Variants in ACOXL observed in about 807,000 individuals in gnomAD.
The protein encoded by ACOXL is acyl-coenzyme A oxidase-like protein.
In ACOXL, 70 loss-of-function variants were observed where a neutral mutation model predicts 71.9. That is an observed-to-expected ratio of 0.97 (90% confidence interval 0.80 to 1.19). ACOXL has a LOEUF of 1.19. Ranked by LOEUF, ACOXL falls within the 50% of genes most tolerant of loss-of-function variation. ACOXL has a pLI of 0.00. For missense variants in ACOXL, 703 were observed against 736.3 expected (o/e 0.95, Z 0.52); for synonymous variants, 253 against 281.6 (o/e 0.90, Z 1.02).
chr2:111,033,476 G>A (rs375011592), intron 15 of ACOXL, among the ~76,000 whole-genome samples: 9 of 152,228 alleles, frequency 5.9e-5, no homozygotes, highest in African/African-American at 2.2e-4. Flanking sequence ...GAGGTTGCAG[G>A]AAGTCACACT....
intron 1 of ACOXL, among the ~76,000 whole-genome samples, chr2:110,746,859 G>C (rs1358642762): frequency 6.9e-6 from 1 of 144,444 alleles, no homozygotes; most frequent in African/African-American, 2.6e-5. Flanking sequence ...AAAAAGTTTA[G>C]TCTAAGATGA....
chr2:110,810,398 G>A (rs1687164701), intron 9 of ACOXL, among the ~76,000 whole-genome samples: 1 of 152,102 alleles, frequency 6.6e-6, no homozygotes, highest in African/African-American at 2.4e-5. Flanking sequence ...TACATGTCAT[G>A]GAAATCGTTT....
intron 16 of ACOXL, among the ~76,000 whole-genome samples, chr2:111,086,813 C>T (rs1343758698): frequency 2.0e-5 from 3 of 152,040 alleles, no homozygotes; most frequent in African/African-American, 7.2e-5. Flanking sequence ...AGCAATGAGG[C>T]AAGATAAATA....
At chr2:110,948,703 T>TG (rs2061209241) in intron 12 of ACOXL, among the ~76,000 whole-genome samples, 1 of 70,808 alleles carries the variant, frequency 1.4e-5, no homozygotes, top group East Asian at 4.1e-4. Flanking sequence ...CCAGAAGAAC[T>TG]AAAAAAAAAA....
chr2:111,037,205 T>C (rs1371662379), intron 15 of ACOXL, among the ~76,000 whole-genome samples: 1 of 152,040 alleles, frequency 6.6e-6, no homozygotes, highest in African/African-American at 2.4e-5. Flanking sequence ...GAACTTCAGG[T>C]TTGGGTCAGC....
intron 10 of ACOXL, among the ~76,000 whole-genome samples, chr2:110,870,235 A>AT (rs748482083): frequency 5.3e-4 from 80 of 152,142 alleles, no homozygotes; most frequent in Non-Finnish European, 1.1e-3. Context: ...AGCACAGAGC[A>AT]TCCCATCTTT....
At chr2:111,013,221 TAAC>T (rs777028542) in intron 14 of ACOXL, among the ~76,000 whole-genome samples, 7 of 151,864 alleles carry the variant, frequency 4.6e-5, no homozygotes, top group Non-Finnish European at 1.0e-4. Context: ...TCTCAAAAGT[TAAC>T]AACAACAAAA....
At chr2:111,095,189 A>G (rs1168232073) in intron 17 of ACOXL, among the ~76,000 whole-genome samples, 3 of 148,904 alleles carry the variant, frequency 2.0e-5, no homozygotes, top group Non-Finnish European at 3.0e-5. Flanking sequence ...GAGAGTGCCC[A>G]CTTTGGGAAG....
chr2:110,890,048 A>C (rs1697765357), intron 10 of ACOXL, among the ~76,000 whole-genome samples: 1 of 152,308 alleles, frequency 6.6e-6, no homozygotes, highest in African/African-American at 2.4e-5. Flanking sequence ...CATTTGCCTA[A>C]TGACTAATTA....
intron 9 of ACOXL, among the ~76,000 whole-genome samples, chr2:110,836,363 G>C (rs1406874768): frequency 6.6e-6 from 1 of 152,156 alleles, no homozygotes; most frequent in Non-Finnish European, 1.5e-5. Context: ...GTGGTATTCT[G>C]TGTGTCCATG....
At chr2:110,783,922 C>T (rs1284875565) in intron 2 of ACOXL, among the ~76,000 whole-genome samples, 1 of 152,150 alleles carries the variant, frequency 6.6e-6, no homozygotes, top group Non-Finnish European at 1.5e-5. Context: ...TTTGCCATGC[C>T]TCATTTGTCA....
At chr2:111,034,186 AT>A (rs1453498180) in intron 15 of ACOXL, among the ~76,000 whole-genome samples, 1 of 152,156 alleles carries the variant, frequency 6.6e-6, no homozygotes, top group African/African-American at 2.4e-5. Flanking sequence ...AGAGAGCATG[AT>A]ATTTACCTCG....
chr2:110,846,793 G>T (rs1336236644), intron 10 of ACOXL, among the ~76,000 whole-genome samples: 1 of 151,832 alleles, frequency 6.6e-6, no homozygotes, highest in Non-Finnish European at 1.5e-5. Context: ...GTGTTGGGGG[G>T]GGTGTATGTG....
At chr2:110,783,724 TACATAC>T (rs970646653) in intron 2 of ACOXL, among the ~76,000 whole-genome samples, 4 of 152,144 alleles carry the variant, frequency 2.6e-5, no homozygotes, top group African/African-American at 4.8e-5. Flanking sequence ...CACACACATG[TACATAC>T]ACATACACAT....
intron 16 of ACOXL, 78 bp from the exon 17 acceptor site, chr2:111,092,787 C>A: frequency 1.0e-6 from 1 of 980,466 alleles, no homozygotes; most frequent in Non-Finnish European, 1.6e-6. Context: ...TATGTTATTT[C>A]TCTTTCGCCT....
chr2:110,971,890 G>T (rs942254896), intron 12 of ACOXL, among the ~76,000 whole-genome samples: 1 of 152,130 alleles, frequency 6.6e-6, no homozygotes, highest in African/African-American at 2.4e-5. Context: ...TCCAAGTGAG[G>T]TTTTTTGACA....
intron 2 of ACOXL, among the ~76,000 whole-genome samples, chr2:110,778,860 C>CAAT (rs1361634806): frequency 6.6e-6 from 1 of 152,064 alleles, no homozygotes; most frequent in Non-Finnish European, 1.5e-5. Flanking sequence ...TTATAAGCAA[C>CAAT]CATTAATTTC....
intron 10 of ACOXL, among the ~76,000 whole-genome samples, chr2:110,869,976 TC>T (rs1695070031): frequency 6.6e-6 from 1 of 152,256 alleles, no homozygotes; most frequent in Admixed American, 6.5e-5. Context: ...TGTAATGGAT[TC>T]ACCGAGCATG....
chr2:110,953,690 A>G (rs935166333), intron 12 of ACOXL, among the ~76,000 whole-genome samples: 3 of 151,310 alleles, frequency 2.0e-5, no homozygotes, highest in Non-Finnish European at 2.9e-5. Flanking sequence ...ATAATTTATG[A>G]AAAAAAAAGA....
Sources: allele counts gnomAD v4.1 joint callset (sites outside exome capture counted in the v4.1 genomes callset), GRCh38; gene constraint gnomAD v4.1.1; transcripts MANE v1.5; gene names NCBI Gene and HGNC (gene_info 2026-07-23, HGNC 2026-07-21).